ORC4: variants seen among roughly 807,000 people sequenced by gnomAD.
ORC4 encodes origin recognition complex subunit 4.
A neutral mutation model predicts 63.9 loss-of-function variants in ORC4; 55 were observed. That is an observed-to-expected ratio of 0.86 (90% CI 0.69 to 1.08). ORC4 has a LOEUF of 1.08. Ranked by LOEUF, ORC4 falls within the 50% of genes least tolerant of loss-of-function variation. The pLI, the probability that ORC4 is intolerant of heterozygous loss-of-function variation, is 0.00. For synonymous variants in ORC4, 150 were observed against 168.5 expected (o/e 0.89, Z 0.85); for missense variants, 511 against 504.4 (o/e 1.01, Z -0.13).
chr2:147,976,050 T>G (rs535295804), intron 1 of ORC4, 75 bp from the exon 2 acceptor site: 1 of 797,964 alleles, frequency 1.3e-6, no homozygotes, highest in African/African-American at 1.7e-5. Flanking sequence ...TGTTCTAGAA[T>G]TAAAATAAAT....
At chr2:147,967,308 A>AAT (rs1689950005) in intron 4 of ORC4, among the ~76,000 whole-genome samples, 1 of 152,120 alleles carries the variant, frequency 6.6e-6, no homozygotes, top group Admixed American at 6.6e-5. Context: ...ATTCTTATTC[A>AAT]ATATAGTACT....
intron 5 of ORC4, 51 bp from the exon 6 acceptor site, chr2:147,958,434 G>C: frequency 7.6e-7 from 1 of 1,313,796 alleles, no homozygotes; most frequent in South Asian, 1.2e-5. Flanking sequence ...ACATGTATTT[G>C]ATACAGCAGG....
At chr2:147,997,650 A>C (rs1692051202) in intron 1 of ORC4, among the ~76,000 whole-genome samples, 1 of 152,146 alleles carries the variant, frequency 6.6e-6, no homozygotes, top group Non-Finnish European at 1.5e-5. Flanking sequence ...TGCTGCCATT[A>C]AATGTATAAA....
At chr2:147,938,958 A>G (rs1394868939) in intron 11 of ORC4, among the ~76,000 whole-genome samples, 182 bp downstream of exon 11, 1 of 151,714 alleles carries the variant, frequency 6.6e-6, no homozygotes, top group Non-Finnish European at 1.5e-5. Context: ...AGAGCGTCAA[A>G]TTTTTTTTTC....
intron 1 of ORC4, among the ~76,000 whole-genome samples, chr2:147,983,498 C>T (rs1029028460): frequency 3.9e-5 from 6 of 152,094 alleles, no homozygotes; most frequent in African/African-American, 1.2e-4. Flanking sequence ...CCACTGGTCC[C>T]CAAACACAAA....
At chr2:147,943,291 T>C in intron 10 of ORC4, 145 bp downstream of exon 10, 1 of 666,186 alleles carries the variant, frequency 1.5e-6, no homozygotes. Flanking sequence ...TGGTTGATGC[T>C]TGTAATGTCA....
intron 8 of ORC4, among the ~76,000 whole-genome samples, chr2:147,950,963 A>G (rs1415451498): frequency 2.0e-5 from 3 of 149,902 alleles, no homozygotes; most frequent in East Asian, 2.0e-4. Context: ...TTTTGGCAAG[A>G]AGGAGGATGC....
At chr2:147,972,678 A>G (rs1382211576) in intron 4 of ORC4, 61 bp downstream of exon 4, 2 of 823,452 alleles carry the variant, frequency 2.4e-6, no homozygotes, top group African/African-American at 3.5e-5. Context: ...GAATTTATTT[A>G]TTCTTATATA....
At chr2:147,939,066 A>T in intron 11 of ORC4, 74 bp downstream of exon 11, 1 of 920,174 alleles carries the variant, frequency 1.1e-6, no homozygotes, top group Non-Finnish European at 1.8e-6. Context: ...GTTAATTGTA[A>T]TTTTAAAAAC....
chr2:147,944,452 A>G (rs1688544589), intron 9 of ORC4, among the ~76,000 whole-genome samples: 1 of 152,034 alleles, frequency 6.6e-6, no homozygotes, highest in South Asian at 2.1e-4. Flanking sequence ...ACTTTGTAAA[A>G]AGATATATTT....
chr2:147,960,195 T>C (rs968698477), intron 4 of ORC4: 11 of 902,552 alleles, frequency 1.2e-5, no homozygotes, highest in African/African-American at 1.8e-5. Flanking sequence ...TATATATGCA[T>C]AAGGAGAGTT....
chr2:147,972,316 C>G (rs556024493), intron 4 of ORC4, among the ~76,000 whole-genome samples: 1 of 152,148 alleles, frequency 6.6e-6, no homozygotes, highest in South Asian at 2.1e-4. Flanking sequence ...TGATAGTTCC[C>G]TAACCTATAA....
chr2:147,962,628 G>A (rs1384853682), intron 4 of ORC4, among the ~76,000 whole-genome samples: 1 of 152,050 alleles, frequency 6.6e-6, no homozygotes, highest in African/African-American at 2.4e-5. Flanking sequence ...AACCAATCTG[G>A]CAGTCCCACC....
chr2:148,002,563 A>G (rs769361037), intron 1 of ORC4, among the ~76,000 whole-genome samples: 41 of 152,204 alleles, frequency 2.7e-4, no homozygotes, highest in African/African-American at 4.8e-5. Context: ...TTTAAAACCA[A>G]TGAGAACAAA....
intron 1 of ORC4, among the ~76,000 whole-genome samples, chr2:148,008,315 A>T (rs2382202): frequency 0.59 from 89,300 of 152,032 alleles, 26,510 homozygotes; most frequent in Middle Eastern, 0.74. Flanking sequence ...TATTGTTAGA[A>T]GAGTTCTAAA....
At chr2:147,986,013 G>T (rs187123894) in intron 1 of ORC4, among the ~76,000 whole-genome samples, 3 of 152,226 alleles carry the variant, frequency 2.0e-5, no homozygotes, top group African/African-American at 7.2e-5. Flanking sequence ...CATTCTGAAA[G>T]AACACGGTTA....
At chr2:148,011,284 T>G (rs1016206968) in intron 1 of ORC4, among the ~76,000 whole-genome samples, 7 of 152,146 alleles carry the variant, frequency 4.6e-5, no homozygotes, top group African/African-American at 9.7e-5. Context: ...CATAATCAAG[T>G]GGGATTCATC....
intron 1 of ORC4, among the ~76,000 whole-genome samples, chr2:148,008,916 T>A (rs1231609698): frequency 6.6e-6 from 1 of 152,228 alleles, no homozygotes; most frequent in Middle Eastern, 3.4e-3. Context: ...CTATTTCTTT[T>A]GCAGCATCGA....
At chr2:148,017,672 CA>C (rs1279931514) in intron 1 of ORC4, among the ~76,000 whole-genome samples, 5 of 152,026 alleles carry the variant, frequency 3.3e-5, no homozygotes, top group South Asian at 2.1e-4. Context: ...ACTCCATCTC[CA>C]GGGGGGAAAA....
Sources: allele counts gnomAD v4.1 joint callset (sites outside exome capture counted in the v4.1 genomes callset), GRCh38; gene constraint gnomAD v4.1.1; transcripts MANE v1.5; gene names NCBI Gene and HGNC (gene_info 2026-07-23, HGNC 2026-07-21).